Variants in DPP6 observed in about 807,000 individuals in gnomAD.
DPP6 encodes the protein dipeptidyl peptidase like 6, also known as A-type potassium channel modulatory protein DPP6.
A neutral mutation model predicts 122.6 loss-of-function variants in DPP6; 69 were observed. That is an observed-to-expected ratio of 0.56 (90% CI 0.46 to 0.69). DPP6 has a LOEUF of 0.69. Among genes scored for constraint, DPP6 ranks in the 30% least tolerant of loss-of-function variants. DPP6 has a pLI of 0.00. For missense variants in DPP6, 928 were observed against 1,116.9 expected, an observed-to-expected ratio of 0.83 and a Z score of 2.41; for synonymous variants, 418 against 433.1, an observed-to-expected ratio of 0.97 and a Z score of 0.43.
the DPP6 span, among the ~76,000 whole-genome samples, chr7:153,863,517 C>T: frequency 3.9e-5 from 6 of 152,120 alleles, no homozygotes; most frequent in South Asian, 1.2e-3. Context: ...ATAAATTTCA[C>T]TCATTCAAAA....
chr7:154,680,302 A>G (rs929127931), intron 7 of DPP6, among the ~76,000 whole-genome samples: 1 of 152,242 alleles, frequency 6.6e-6, no homozygotes, highest in African/African-American at 2.4e-5. Context: ...AGACATTCCT[A>G]TACAAGATCA....
At chr7:153,886,946 A>AG (rs1011270724), upstream of DPP6, among the ~76,000 whole-genome samples, 30 of 152,088 alleles carry the variant, frequency 2.0e-4, no homozygotes, top group African/African-American at 6.8e-4. Flanking sequence ...TGTTTGTGGA[A>AG]GCCGAGCGTG....
At chr7:154,094,588 C>T (rs1351675533) in intron 1 of DPP6, 1 of 152,166 alleles carries the variant, frequency 6.6e-6, no homozygotes, top group African/African-American at 2.4e-5. Flanking sequence ...TCATTTCTTA[C>T]CTTCTCTGAG....
rs188210736 is a variant in DPP6 at position 154,723,416 on chromosome 7, A to G, written c.763-4351A>G. Among the ~76,000 whole-genome samples, 14 of 152,146 alleles carry G rather than the reference A, an allele frequency of 9.2e-5. No individual in the cohort carries two copies. The East Asian group carries it at 1.2e-3, about 13-fold the overall frequency. On this transcript the variant is annotated intron_variant, in intron 7 of 25. Transcript: ENST00000377770. ...TACTAACTGAAAATAATAATTGGCT[A>G]TGGTCTGATTTGATTCAAAAATCCA...
chr7:154,841,896 A>G (rs1367102522), intron 16 of DPP6, among the ~76,000 whole-genome samples: 2 of 152,120 alleles, frequency 1.3e-5, no homozygotes, highest in Non-Finnish European at 2.9e-5. Context: ...GACAGCCTCA[A>G]TCCCAGGTTT....
the DPP6 span, among the ~76,000 whole-genome samples, chr7:153,874,842 G>T: frequency 1.3e-5 from 2 of 152,074 alleles, no homozygotes; most frequent in Admixed American, 1.3e-4. Context: ...TTCAATATCT[G>T]GTTACAAGTA....
At position 154,815,050 on chromosome 7, in the gene DPP6, A is replaced by G. The variant is rs561401789; in HGVS notation, c.1666+7938A>G. Among the ~76,000 whole-genome samples the G allele has an allele frequency of 3.3e-5, 5 of 152,304 alleles. No homozygotes were observed. The South Asian group carries it at 1.0e-3, about 32-fold the overall frequency. On this transcript the variant is annotated intron_variant, in intron 16 of 25. Transcript: ENST00000377770. ...GGGGACACCATTAATTAAACCCACA[A>G]CACTTCCCTTCTAAGGACTGCATTG...
intron 1 of DPP6, among the ~76,000 whole-genome samples, chr7:154,231,917 T>A (rs1000663274): frequency 6.6e-6 from 1 of 152,230 alleles, no homozygotes; most frequent in Non-Finnish European, 1.5e-5. Context: ...GCCATTCTAC[T>A]CTACCAGCCA....
intron 1 of DPP6, among the ~76,000 whole-genome samples, chr7:154,428,675 T>G (rs1448362312): frequency 6.6e-6 from 1 of 152,114 alleles, no homozygotes; most frequent in Non-Finnish European, 1.5e-5. Flanking sequence ...GCCATAAAAA[T>G]AACGAAATAA....
At chr7:153,803,379 A>G in the DPP6 span, among the ~76,000 whole-genome samples, 1 of 151,390 alleles carries the variant, frequency 6.6e-6, no homozygotes, top group African/African-American at 2.4e-5. Flanking sequence ...TCCCCAATCC[A>G]TTGGGGCATC....
chr7:154,456,419 C>G (rs1031841303), intron 2 of DPP6, among the ~76,000 whole-genome samples: 9 of 152,152 alleles, frequency 5.9e-5, no homozygotes. Context: ...CTCTTTCTTG[C>G]TTTTCCCCTA....
chr7:154,890,795 T>C (rs28487939), intron 25 of DPP6: 40,576 of 152,110 alleles, frequency 0.27, 7,093 homozygotes, highest in East Asian at 0.5. Flanking sequence ...CCTGCCCATA[T>C]CCTCTTGTAC....
intron 16 of DPP6, among the ~76,000 whole-genome samples, chr7:154,825,350 T>A (rs944207488): frequency 4.6e-5 from 7 of 152,236 alleles, no homozygotes; most frequent in Non-Finnish European, 1.5e-5. Context: ...CTACCTGTAC[T>A]GAATTCTGAG....
intron 1 of DPP6, among the ~76,000 whole-genome samples, chr7:154,213,280 T>C (rs1392857852): frequency 3.3e-5 from 5 of 152,160 alleles, no homozygotes; most frequent in Non-Finnish European, 7.3e-5. Context: ...TTCAATACTT[T>C]TATTTCAGAA....
intron 2 of DPP6, among the ~76,000 whole-genome samples, chr7:154,466,738 C>T (rs1311764647): frequency 2.0e-5 from 3 of 152,302 alleles, no homozygotes; most frequent in East Asian, 1.9e-4. Context: ...TGCACGTGGA[C>T]GTCTTTGGGA....
intron 5 of DPP6, among the ~76,000 whole-genome samples, chr7:154,637,447 G>A (rs768652975): frequency 2.4e-4 from 36 of 152,146 alleles, no homozygotes; most frequent in Middle Eastern, 3.2e-3. Context: ...AACTCTAGCC[G>A]TACATGGGTC....
At chr7:154,248,112 GCT>G (rs1802109556) in intron 1 of DPP6, among the ~76,000 whole-genome samples, 1 of 152,096 alleles carries the variant, frequency 6.6e-6, no homozygotes, top group Non-Finnish European at 1.5e-5. Flanking sequence ...GGGCAAGAGA[GCT>G]CTCTGGGGCC....
At chr7:154,464,731 G>A (rs1476952397) in intron 2 of DPP6, among the ~76,000 whole-genome samples, 2 of 152,064 alleles carry the variant, frequency 1.3e-5, no homozygotes, top group Non-Finnish European at 2.9e-5. Flanking sequence ...TAAATAAATT[G>A]GGTTTTCTCA....
chr7:154,436,431 C>T (rs576226337), intron 1 of DPP6, among the ~76,000 whole-genome samples: 76 of 152,118 alleles, frequency 5.0e-4, no homozygotes, highest in Admixed American at 4.7e-3. Context: ...CATCATTATA[C>T]GCCCTCTTGA....
Sources: allele counts gnomAD v4.1 joint callset (sites outside exome capture counted in the v4.1 genomes callset), GRCh38; gene constraint gnomAD v4.1.1; transcripts MANE v1.5; gene names NCBI Gene and HGNC (gene_info 2026-07-23, HGNC 2026-07-21).